HPSE2: variants seen among roughly 807,000 people sequenced by gnomAD.
HPSE2 encodes the protein heparanase 2 (inactive).
HPSE2 carries 38 observed loss-of-function variants against 60.5 expected under a neutral mutation model. The ratio of observed to expected loss-of-function variants is 0.63; its 90% CI spans 0.48 to 0.82. The LOEUF (loss-of-function observed/expected upper bound fraction) is 0.82. Among genes scored for constraint, HPSE2 ranks in the 40% least tolerant of loss-of-function variants. HPSE2 has a pLI of 0.00. For synonymous variants in HPSE2, 295 were observed against 293.2 expected (o/e 1.01, Z -0.06); for missense variants, 713 against 740.4 (o/e 0.96, Z 0.43).
At chr10:99,045,152 A>G (rs1274674169) in intron 3 of HPSE2, among the ~76,000 whole-genome samples, 2 of 152,154 alleles carry the variant, frequency 1.3e-5, no homozygotes, top group Non-Finnish European at 2.9e-5. Flanking sequence ...AAATTGAAAT[A>G]ATATCAACCA....
rs558594294 is a variant in HPSE2 at position 99,220,790 on chromosome 10, A to G, written c.448+11558T>C. On this transcript the variant is annotated intron_variant, in intron 2 of 11. Coordinates refer to ENST00000370552, the MANE Select transcript of HPSE2 (RefSeq NM_021828.5). ...TGCACCCCAACTCCAACCTGGCAAC[A>G]GAGTGAGACTCCGTCTCAAAAAAAA... Among the ~76,000 whole-genome samples, 4 of 149,340 alleles carry G rather than the reference A, an allele frequency of 2.7e-5. No individual in the cohort carries two copies. The South Asian group carries it at 8.8e-4, about 33-fold the overall frequency.
At chr10:98,523,732 C>A (rs1942872044) in intron 9 of HPSE2, among the ~76,000 whole-genome samples, 1 of 152,112 alleles carries the variant, frequency 6.6e-6, no homozygotes, top group Non-Finnish European at 1.5e-5. Flanking sequence ...AAGTGGGATA[C>A]TAAAAATGTA....
intron 3 of HPSE2, among the ~76,000 whole-genome samples, chr10:98,865,988 G>A (rs1952578293): frequency 6.6e-6 from 1 of 151,930 alleles, no homozygotes; most frequent in Admixed American, 6.6e-5. Flanking sequence ...TCTTAACAAG[G>A]CAAAATGTAC....
At chr10:98,900,345 G>A (rs112885211) in intron 3 of HPSE2, among the ~76,000 whole-genome samples, 6 of 152,264 alleles carry the variant, frequency 3.9e-5, no homozygotes, top group African/African-American at 1.2e-4. Flanking sequence ...TTCCATTTAT[G>A]TACAGTTCAA....
chr10:98,565,157 A>ATTTT (rs55964470), intron 9 of HPSE2, among the ~76,000 whole-genome samples: 1 of 149,342 alleles, frequency 6.7e-6, no homozygotes, highest in Non-Finnish European at 1.5e-5. Flanking sequence ...AACTTGAAGA[A>ATTTT]TTTTTTTTTT....
chr10:98,816,246 G>GTTTTTGTTTGTTTTTTGTT (rs943012972), intron 3 of HPSE2, among the ~76,000 whole-genome samples: 2 of 152,022 alleles, frequency 1.3e-5, no homozygotes, highest in East Asian at 3.9e-4. Context: ...CAATCTACAG[G>GTTTTTGTTTGTTTTTTGTT]TTTTTGTTTG....
intron 3 of HPSE2, among the ~76,000 whole-genome samples, chr10:98,986,685 A>AG (rs1362947671): frequency 6.8e-6 from 1 of 147,248 alleles, no homozygotes; most frequent in African/African-American, 2.4e-5. Context: ...AACCCTTCAA[A>AG]AAATTAATGA....
the HPSE2 span, among the ~76,000 whole-genome samples, chr10:99,284,013 A>G: frequency 1.3e-5 from 2 of 152,286 alleles, no homozygotes; most frequent in Middle Eastern, 3.4e-3. Context: ...AAGGGAAGAA[A>G]CATTTACTCA....
intron 9 of HPSE2, among the ~76,000 whole-genome samples, chr10:98,589,518 A>AAG (rs1190210090): frequency 6.6e-6 from 1 of 152,152 alleles, no homozygotes; most frequent in African/African-American, 2.4e-5. Context: ...TCCTCCTTTT[A>AAG]GTTTCCACCC....
intron 6 of HPSE2, among the ~76,000 whole-genome samples, chr10:98,685,538 C>T (rs1222057771): frequency 6.6e-6 from 1 of 152,140 alleles, no homozygotes; most frequent in African/African-American, 2.4e-5. Flanking sequence ...CTTTTTCACT[C>T]AGCATATTGA....
At chr10:98,527,113 AC>A (rs1411116117) in intron 9 of HPSE2, among the ~76,000 whole-genome samples, 9 of 151,564 alleles carry the variant, frequency 5.9e-5, no homozygotes, top group Non-Finnish European at 1.2e-4. Flanking sequence ...TTTAATTTCT[AC>A]CTCCTGATAT....
At chr10:99,220,325 C>A (rs952747976) in intron 2 of HPSE2, among the ~76,000 whole-genome samples, 1 of 151,994 alleles carries the variant, frequency 6.6e-6, no homozygotes, top group East Asian at 1.9e-4. Context: ...AGGTCCTCTG[C>A]ATATATTCTT....
At chr10:98,858,347 T>C (rs959954037) in intron 3 of HPSE2, among the ~76,000 whole-genome samples, 3 of 152,192 alleles carry the variant, frequency 2.0e-5, no homozygotes, top group Non-Finnish European at 4.4e-5. Context: ...ACAAAACCCC[T>C]GTGAAGCATG....
At chr10:98,944,840 G>T (rs10786489) in intron 3 of HPSE2, among the ~76,000 whole-genome samples, 91,628 of 151,894 alleles carry the variant, frequency 0.6, 29,383 homozygotes, top group East Asian at 0.77. Flanking sequence ...ATCTATTCTT[G>T]TATCTTCTCC....
intron 2 of HPSE2, among the ~76,000 whole-genome samples, chr10:99,160,751 T>C (rs1846798964): frequency 1.3e-5 from 2 of 150,622 alleles, no homozygotes; most frequent in Admixed American, 6.6e-5. Context: ...TACAAAAAAT[T>C]AGCCGGGCGT....
At chr10:99,241,659 G>C in the HPSE2 span, among the ~76,000 whole-genome samples, 5 of 152,162 alleles carry the variant, frequency 3.3e-5, no homozygotes, top group African/African-American at 1.2e-4. Flanking sequence ...TCAGGAGATT[G>C]AGGTGGGAAG....
At chr10:99,150,499 T>C (rs1846219731) in intron 2 of HPSE2, among the ~76,000 whole-genome samples, 2 of 152,248 alleles carry the variant, frequency 1.3e-5, no homozygotes, top group African/African-American at 4.8e-5. Flanking sequence ...TTAAAAATTT[T>C]TTGTAGAGAT....
At chr10:98,884,677 T>G (rs1434868478) in intron 3 of HPSE2, among the ~76,000 whole-genome samples, 1 of 152,106 alleles carries the variant, frequency 6.6e-6, no homozygotes, top group Non-Finnish European at 1.5e-5. Context: ...CAGGGACTGG[T>G]TTTGTGGAAG....
intron 3 of HPSE2, among the ~76,000 whole-genome samples, chr10:98,844,009 C>T (rs965054782): frequency 6.6e-6 from 1 of 152,096 alleles, no homozygotes; most frequent in African/African-American, 2.4e-5. Context: ...ACAGGAATTC[C>T]CTGATGCTTC....
Sources: allele counts gnomAD v4.1 joint callset (sites outside exome capture counted in the v4.1 genomes callset), GRCh38; gene constraint gnomAD v4.1.1; transcripts MANE v1.5; gene names NCBI Gene and HGNC (gene_info 2026-07-23, HGNC 2026-07-21).